Variants in DCC observed in about 807,000 individuals in gnomAD.
The protein encoded by DCC is netrin receptor DCC.
In DCC, 58 loss-of-function variants were observed where a neutral mutation model predicts 172.5. The observed-to-expected ratio is 0.34, with a 90% CI of 0.27 to 0.42. The LOEUF (loss-of-function observed/expected upper bound fraction) is 0.42. Among genes scored for constraint, DCC ranks in the 10% least tolerant of loss-of-function variants. DCC has a pLI of 1.00. For synonymous variants in DCC, 709 were observed against 644.5 expected, an observed-to-expected ratio of 1.10 and a Z score of -1.52; for missense variants, 1,740 against 1,791.0, an observed-to-expected ratio of 0.97 and a Z score of 0.51.
At chr18:52,945,237 T>C (rs2040525249) in intron 5 of DCC, among the ~76,000 whole-genome samples, 1 of 152,196 alleles carries the variant, frequency 6.6e-6, no homozygotes, top group Admixed American at 6.5e-5. Flanking sequence ...CAAGAAAAAA[T>C]ACCTTTCTAA....
chr18:53,503,979 G>A (rs867279236), intron 27 of DCC, among the ~76,000 whole-genome samples: 61 of 152,304 alleles, frequency 4.0e-4, no homozygotes, highest in Middle Eastern at 3.4e-3. Context: ...ATTGTACTGC[G>A]AAATTGAGTT....
chr18:53,376,347 G>A (rs910081287), intron 15 of DCC, among the ~76,000 whole-genome samples: 1 of 152,040 alleles, frequency 6.6e-6, no homozygotes, highest in Non-Finnish European at 1.5e-5. Context: ...TAGCGCCACT[G>A]AACTCTAGCC....
rs140587004 is a variant in DCC at position 53,373,697 on chromosome 18, G to A, written c.2360-12346G>A. Among the ~76,000 whole-genome samples the A allele has an allele frequency of 3.9e-5, 6 of 152,204 alleles. No individual in the cohort carries two copies. The East Asian group carries it at 9.7e-4, about 24-fold the overall frequency. The stretch of plus-strand genomic sequence containing the variant: ...TTTCCACCTACTCAGGTGTTCATGA[G>A]TTGAGTATATACTCAAATGCACAAC... On this transcript the variant is annotated intron_variant, in intron 15 of 28. Coordinates refer to ENST00000442544, the MANE Select transcript of DCC (RefSeq NM_005215.4).
intron 1 of DCC, among the ~76,000 whole-genome samples, chr18:52,447,945 A>G (rs1339021549): frequency 6.6e-6 from 1 of 152,156 alleles, no homozygotes; most frequent in Non-Finnish European, 1.5e-5. Context: ...ATATTCCAAC[A>G]TGAGATTTGA....
chr18:53,278,775 C>T (rs1169705516), intron 12 of DCC, among the ~76,000 whole-genome samples: 1 of 152,264 alleles, frequency 6.6e-6, no homozygotes, highest in East Asian at 1.9e-4. Context: ...TCCATTGTCT[C>T]ATTTGATCCT....
rs1599086653 is a variant in DCC, at chr18:53,381,349, GAACAGA to G, written c.2360-4691_2360-4686del. Reference sequence around the variant, plus strand: ...TATAAATTAAGCATCTGGGTGGTGGGAACAGAAAAATGAAGACATGAATTTAGTGTC... The same window carrying G: ...TATAAATTAAGCATCTGGGTGGTGGGAAAATGAAGACATGAATTTAGTGTC... On this transcript the variant is annotated intron_variant, in intron 15 of 28. Coordinates refer to ENST00000442544, the MANE Select transcript of DCC (RefSeq NM_005215.4). Among the ~76,000 whole-genome samples the G allele has an allele frequency of 2.0e-5, 3 of 152,002 alleles. No individual in the cohort carries two copies. The East Asian group carries it at 5.8e-4, about 29-fold the overall frequency.
At chr18:52,985,740 T>A (rs574183852) in intron 5 of DCC, among the ~76,000 whole-genome samples, 5 of 152,272 alleles carry the variant, frequency 3.3e-5, no homozygotes, top group African/African-American at 1.2e-4. Context: ...TCTGTTAATC[T>A]TTTCTTATTG....
At chr18:53,268,785 G>C (rs562930367) in intron 12 of DCC, among the ~76,000 whole-genome samples, 1 of 152,260 alleles carries the variant, frequency 6.6e-6, no homozygotes, top group Middle Eastern at 3.4e-3. Flanking sequence ...CAGGATGAGG[G>C]GCCAAAGACA....
At chr18:53,486,711 G>C (rs2045904153) in intron 25 of DCC, 86 bp from the exon 26 acceptor site, 2 of 1,571,486 alleles carry the variant, frequency 1.3e-6, no homozygotes, top group Non-Finnish European at 1.7e-6. Flanking sequence ...ATAGATTTGA[G>C]GATCTGAAAA....
At chr18:52,584,079 G>C (rs200738314) in intron 1 of DCC, among the ~76,000 whole-genome samples, 1 of 152,124 alleles carries the variant, frequency 6.6e-6, no homozygotes, top group African/African-American at 2.4e-5. Flanking sequence ...AGGATCTGAA[G>C]GTTGCAGTAA....
chr18:53,415,411 C>G (rs886372296), intron 20 of DCC, among the ~76,000 whole-genome samples: 1 of 152,058 alleles, frequency 6.6e-6, no homozygotes, highest in Middle Eastern at 3.4e-3. Context: ...GAAGATCTGC[C>G]TTGGTCAAAA....
At chr18:52,625,709 G>C (rs888968472) in intron 1 of DCC, among the ~76,000 whole-genome samples, 2 of 152,146 alleles carry the variant, frequency 1.3e-5, no homozygotes, top group African/African-American at 4.8e-5. Context: ...GAGCTGAGCT[G>C]TGTTCACAGT....
intron 5 of DCC, among the ~76,000 whole-genome samples, chr18:52,959,933 C>T (rs2040814878): frequency 6.6e-6 from 1 of 152,076 alleles, no homozygotes; most frequent in South Asian, 2.1e-4. Context: ...TAGCTCTGAA[C>T]CTTCTTCGAA....
At chr18:53,517,828 A>G (rs2046355315) in intron 27 of DCC, among the ~76,000 whole-genome samples, 1 of 152,184 alleles carries the variant, frequency 6.6e-6, no homozygotes, top group Non-Finnish European at 1.5e-5. Context: ...CACATGGTAG[A>G]CTAAAATGCC....
Position 53,099,939 on chromosome 18 carries a change from C to CTTTTTTTTTTTTTTTTTT in DCC, c.1261+33776_1261+33777insTTTTTTTTTTTTTTTTTT, listed in dbSNP as rs200213348. Among the ~76,000 whole-genome samples the CTTTTTTTTTTTTTTTTTT allele has an allele frequency of 5.2e-4, 45 of 87,172 alleles. 6 individuals are homozygous for CTTTTTTTTTTTTTTTTTT. The highest frequency in any genetic ancestry group is 1.6e-3 in the African/African-American group (30 of 18,836). 57.2% of individuals were successfully genotyped at this position (87,172 alleles called of 152,430 possible). ...AAGAGACTTTTCTTTTCTTTTCTTT[C>CTTTTTTTTTTTTTTTTTT]TTTCTTTTTTTTTTTTTTTTTGTTT... On this transcript the variant is annotated intron_variant, in intron 7 of 28. Transcript: ENST00000442544.
chr18:52,984,549 G>A (rs919579154), intron 5 of DCC, among the ~76,000 whole-genome samples: 2 of 152,034 alleles, frequency 1.3e-5, no homozygotes, highest in Non-Finnish European at 2.9e-5. Flanking sequence ...AATATGTTTT[G>A]TAGAAATCCA....
At chr18:52,882,800 G>A (rs951425991) in intron 2 of DCC, among the ~76,000 whole-genome samples, 7 of 152,182 alleles carry the variant, frequency 4.6e-5, no homozygotes, top group African/African-American at 1.7e-4. Context: ...GACTAAATCT[G>A]ATGTTTCTTT....
chr18:53,418,963 A>G (rs1910475834), intron 21 of DCC, among the ~76,000 whole-genome samples: 1 of 152,134 alleles, frequency 6.6e-6, no homozygotes, highest in African/African-American at 2.4e-5. Context: ...GCATCACCCT[A>G]TCTCTTGCTC....
intron 1 of DCC, among the ~76,000 whole-genome samples, chr18:52,434,390 C>T (rs1421501303): frequency 1.3e-5 from 2 of 152,076 alleles, no homozygotes; most frequent in Non-Finnish European, 2.9e-5. Context: ...GATTACCTGG[C>T]CCAAAATGCT....
Sources: allele counts gnomAD v4.1 joint callset (sites outside exome capture counted in the v4.1 genomes callset), GRCh38; gene constraint gnomAD v4.1.1; transcripts MANE v1.5; gene names NCBI Gene and HGNC (gene_info 2026-07-23, HGNC 2026-07-21).